SERGEF: variants seen among roughly 807,000 people sequenced by gnomAD.
The protein encoded by SERGEF is secretion-regulating guanine nucleotide exchange factor.
Under a neutral mutation model 50.0 loss-of-function variants are expected in SERGEF, and 51 were observed. That is an observed-to-expected ratio of 1.02 (90% CI 0.81 to 1.29). The LOEUF is 1.29. Ranked by LOEUF, SERGEF falls within the 50% of genes most tolerant of loss-of-function variation. SERGEF has a pLI of 0.00. For missense variants in SERGEF, 521 were observed against 557.0 expected (o/e 0.94, Z 0.65); for synonymous variants, 205 against 212.4 (o/e 0.97, Z 0.30).
intron 9 of SERGEF, among the ~76,000 whole-genome samples, chr11:17,919,988 C>G (rs1852122927): frequency 6.6e-6 from 1 of 150,786 alleles, no homozygotes; most frequent in African/African-American, 2.4e-5. Context: ...TGGCTCACGC[C>G]TGTAATCCCA....
At chr11:17,940,192 A>T (rs774060770) in intron 9 of SERGEF, among the ~76,000 whole-genome samples, 15 of 152,126 alleles carry the variant, frequency 9.9e-5, no homozygotes, top group Non-Finnish European at 1.6e-4. Flanking sequence ...CACGTTTCAG[A>T]CCAAAAAAGA....
chr11:17,910,446 C>A (rs1851931079), intron 9 of SERGEF, among the ~76,000 whole-genome samples: 1 of 152,092 alleles, frequency 6.6e-6, no homozygotes. Context: ...GAGATGGAGT[C>A]TTGTTATGTT....
At chr11:18,003,453 A>C (rs1199187590) in intron 4 of SERGEF, among the ~76,000 whole-genome samples, 1 of 152,236 alleles carries the variant, frequency 6.6e-6, no homozygotes, top group Non-Finnish European at 1.5e-5. Context: ...AAATGTGATT[A>C]CACTAAACTG....
intron 10 of SERGEF, among the ~76,000 whole-genome samples, chr11:17,821,140 A>G (rs1231064183): frequency 6.6e-6 from 1 of 152,218 alleles, no homozygotes; most frequent in Admixed American, 6.5e-5. Flanking sequence ...GGAAGAGTCA[A>G]GAGAACTGTC....
intron 10 of SERGEF, among the ~76,000 whole-genome samples, chr11:17,861,839 C>T (rs1015896): frequency 0.47 from 71,434 of 152,184 alleles, 19,027 homozygotes; most frequent in Middle Eastern, 0.7. Flanking sequence ...TCCAATAGGT[C>T]GGTAGCATCT....
chr11:17,964,129 G>A (rs1336747896), intron 8 of SERGEF, among the ~76,000 whole-genome samples: 1 of 152,142 alleles, frequency 6.6e-6, no homozygotes, highest in Non-Finnish European at 1.5e-5. Context: ...GCTACATCAA[G>A]GGTCCCGCTA....
chr11:18,007,316 C>T (rs866859305), intron 2 of SERGEF, among the ~76,000 whole-genome samples: 2 of 152,276 alleles, frequency 1.3e-5, no homozygotes, highest in South Asian at 2.1e-4. Context: ...CCATGACAGT[C>T]GGAATGGAGC....
intron 9 of SERGEF, among the ~76,000 whole-genome samples, chr11:17,902,924 T>C (rs1194151873): frequency 6.6e-6 from 1 of 152,204 alleles, no homozygotes; most frequent in Non-Finnish European, 1.5e-5. Flanking sequence ...TAACAAGGCA[T>C]GTTATTACAA....
chr11:17,944,215 C>A (rs1852612447), intron 9 of SERGEF, among the ~76,000 whole-genome samples: 1 of 152,176 alleles, frequency 6.6e-6, no homozygotes, highest in African/African-American at 2.4e-5. Context: ...GTGTCAGCCA[C>A]CGTGCCCGGC....
chr11:17,931,693 A>G (rs1390299305), intron 9 of SERGEF, among the ~76,000 whole-genome samples: 2 of 152,184 alleles, frequency 1.3e-5, no homozygotes, highest in Non-Finnish European at 2.9e-5. Flanking sequence ...ACTGCAAAAC[A>G]TCACCCAATA....
In SERGEF at chr11:17,959,644, C is replaced by A. The variant is rs1342131153; in HGVS notation, c.845-8G>T. 5 of 1,607,046 alleles carry A rather than the reference C, an allele frequency of 3.1e-6. No homozygotes were observed. The highest frequency in any genetic ancestry group is 4.2e-6 in the Non-Finnish European group (5 of 1,176,976). On this transcript the variant is annotated splice_polypyrimidine_tract_variant and splice_region_variant and intron_variant, in intron 8 of 10. Coordinates refer to ENST00000265965, the MANE Select transcript of SERGEF (RefSeq NM_012139.4). Reference sequence around the variant, plus strand: ...TAAACATCTTGCCAGTTTCTAAAAACAAATATTATTTGAATTAAGACTACA... The same window carrying A: ...TAAACATCTTGCCAGTTTCTAAAAAAAAATATTATTTGAATTAAGACTACA...
At chr11:17,801,539 A>G (rs1467594211) in intron 10 of SERGEF, among the ~76,000 whole-genome samples, 1 of 152,218 alleles carries the variant, frequency 6.6e-6, no homozygotes, top group African/African-American at 2.4e-5. Flanking sequence ...ACAGAGAGAT[A>G]GGAATTAAAA....
intron 9 of SERGEF, among the ~76,000 whole-genome samples, chr11:17,915,366 T>C (rs2237923): frequency 0.48 from 73,259 of 152,014 alleles, 19,170 homozygotes; most frequent in East Asian, 0.75. Context: ...ATCCTGAGAT[T>C]ACTGAGCTCA....
intron 10 of SERGEF, among the ~76,000 whole-genome samples, chr11:17,848,269 A>C (rs1463554142): frequency 6.6e-6 from 1 of 152,244 alleles, no homozygotes; most frequent in African/African-American, 2.4e-5. Flanking sequence ...GATTCCACCT[A>C]GGAAGTCAGG....
chr11:18,010,067 G>C (rs1398920410), intron 1 of SERGEF: 1 of 1,146,382 alleles, frequency 8.7e-7, no homozygotes, highest in Non-Finnish European at 1.2e-6. Context: ...ATTTATTCAA[G>C]TACCTACTCC....
chr11:17,826,569 A>T (rs145079920), intron 10 of SERGEF, among the ~76,000 whole-genome samples: 16 of 152,322 alleles, frequency 1.1e-4, no homozygotes, highest in Non-Finnish European at 2.1e-4. Flanking sequence ...ACAACATTTC[A>T]GTATGGGAGA....
chr11:18,004,495 G>A lies in SERGEF; in HGVS notation c.393C>T (p.Gly131=). The A allele has an allele frequency of 1.2e-6, 2 of 1,613,734 alleles. No individual in the cohort carries two copies. The highest frequency in any genetic ancestry group is 1.1e-5 in the South Asian group (1 of 90,966). ...QVLSCGSNSF[G]QLGVPHGPRR... ...GAGGTCCATGAGGAACTCCTAACTGGCCAAAGGAGTTGGATCCACATGATA... is the reference window on the plus strand; with the variant it reads ...GAGGTCCATGAGGAACTCCTAACTGACCAAAGGAGTTGGATCCACATGATA... The change falls in exon 4 of 11, where the codon GGC becomes GGT. Residue 131 remains glycine (G), a synonymous_variant. Coordinates refer to ENST00000265965, the MANE Select transcript of SERGEF (RefSeq NM_012139.4).
chr11:17,995,056 G>A (rs997273394), intron 6 of SERGEF, among the ~76,000 whole-genome samples: 1 of 152,128 alleles, frequency 6.6e-6, no homozygotes, highest in Non-Finnish European at 1.5e-5. Context: ...ACATGGTGCT[G>A]TATACAGAGG....
At chr11:17,947,387 G>C (rs527329304) in intron 9 of SERGEF, among the ~76,000 whole-genome samples, 1 of 152,328 alleles carries the variant, frequency 6.6e-6, no homozygotes, top group African/African-American at 2.4e-5. Context: ...ACTGTAAACA[G>C]AAACAGAACA....
Sources: gnomAD v4.1 joint callset for allele counts (sites outside exome capture counted in the v4.1 genomes callset) on GRCh38, gnomAD v4.1.1 for gene constraint, MANE v1.5 for transcripts, NCBI Gene and HGNC (gene_info 2026-07-23, HGNC 2026-07-21) for gene names.